Variants in TSPAN5 observed in about 807,000 individuals in gnomAD.
TSPAN5 encodes tetraspanin 5.
TSPAN5 carries 10 observed loss-of-function variants against 37.1 expected under a neutral mutation model. The observed-to-expected ratio is 0.27, with a 90% CI of 0.17 to 0.46. The LOEUF (loss-of-function observed/expected upper bound fraction) is 0.46, where lower values mean the gene tolerates loss of function less well. Among genes scored for constraint, TSPAN5 ranks in the 20% least tolerant of loss-of-function variants. The pLI, the probability that TSPAN5 is intolerant of heterozygous loss-of-function variation, is 1.00. For synonymous variants in TSPAN5, 110 were observed against 118.9 expected, an observed-to-expected ratio of 0.93 and a Z score of 0.48; for missense variants, 195 against 326.6, an observed-to-expected ratio of 0.60 and a Z score of 3.11.
intron 1 of TSPAN5, among the ~76,000 whole-genome samples, chr4:98,651,771 C>T (rs1020595703): frequency 2.7e-5 from 4 of 150,938 alleles, no homozygotes; most frequent in African/African-American, 9.7e-5. Context: ...AAGGTAGGCA[C>T]GATACAATGG....
In TSPAN5 at chr4:98,626,129, G is replaced by A. The variant is rs146933007; in HGVS notation, c.81+32017C>T. ...ACAACACAGGTGAGATCTAATGAAT[G>A]CTGGTTTCCCAGTGAAGAAATCTGC... On this transcript the variant is annotated intron_variant, in intron 1 of 7. Transcript: ENST00000305798. Among the ~76,000 whole-genome samples, 59 of 152,242 alleles carry A rather than the reference G, an allele frequency of 3.9e-4. No homozygotes were observed. The East Asian group carries it at 0.011, about 29-fold the overall frequency.
At chr4:98,522,188 G>A (rs530803401) in intron 1 of TSPAN5, among the ~76,000 whole-genome samples, 1 of 152,244 alleles carries the variant, frequency 6.6e-6, no homozygotes, top group African/African-American at 2.4e-5. Context: ...CCCACATTAG[G>A]CAAATCCACT....
intron 1 of TSPAN5, among the ~76,000 whole-genome samples, chr4:98,632,690 T>C (rs1436288178): frequency 6.6e-6 from 1 of 152,146 alleles, no homozygotes; most frequent in Non-Finnish European, 1.5e-5. Context: ...CACCCAAATA[T>C]GCAATAATGA....
chr4:98,533,568 T>TTTTTTTTTTTTTTTTTTTTTTTG, intron 1 of TSPAN5, among the ~76,000 whole-genome samples: 1 of 136,270 alleles, frequency 7.3e-6, no homozygotes, highest in Admixed American at 7.5e-5. Flanking sequence ...TTTTTTTTCT[T>TTTTTTTTTTTTTTTTTTTTTTTG]GAGACAGAGT....
chr4:98,564,566 A>G (rs537594112), intron 1 of TSPAN5, among the ~76,000 whole-genome samples: 1 of 122,688 alleles, frequency 8.2e-6, no homozygotes, highest in East Asian at 2.3e-4. Flanking sequence ...CACCTAACCT[A>G]AGTAGCCATT....
At chr4:98,556,318 G>A (rs566619472) in intron 1 of TSPAN5, among the ~76,000 whole-genome samples, 116 of 152,280 alleles carry the variant, frequency 7.6e-4, no homozygotes, top group Non-Finnish European at 1.1e-3. Context: ...ATTCACCCAC[G>A]TGGTGGGTTT....
intron 1 of TSPAN5, among the ~76,000 whole-genome samples, chr4:98,632,623 C>A (rs979692801): frequency 2.0e-5 from 3 of 152,184 alleles, no homozygotes; most frequent in Non-Finnish European, 2.9e-5. Context: ...ATTAAAAGGA[C>A]AGCCACTTCC....
intron 1 of TSPAN5, among the ~76,000 whole-genome samples, chr4:98,583,404 C>A (rs976357327): frequency 1.3e-5 from 2 of 152,144 alleles, no homozygotes; most frequent in African/African-American, 4.8e-5. Context: ...AATCCCCTCC[C>A]TCCTCCCACC....
At chr4:98,632,935 G>C (rs1194057712) in intron 1 of TSPAN5, among the ~76,000 whole-genome samples, 1 of 152,166 alleles carries the variant, frequency 6.6e-6, no homozygotes, top group Non-Finnish European at 1.5e-5. Flanking sequence ...GAGGTGTCGT[G>C]ATCAGACAGA....
rs182562706 is a variant in TSPAN5 at position 98,647,903 on chromosome 4, A to G, written c.81+10243T>C. Among the ~76,000 whole-genome samples the G allele has an allele frequency of 2.4e-3, 364 of 152,232 alleles. 1 individual carries two copies. Among genetic ancestry groups the G allele is most frequent in the Non-Finnish European group, 3.8e-3 (257 of 68,010 alleles). On this transcript the variant is annotated intron_variant, in intron 1 of 7. Transcript: ENST00000305798. ...AAGGAGTGGTGTTAGACCCAGTAAA[A>G]CAGCTCAGAGAAATAATACAGAGTT...
intron 1 of TSPAN5, among the ~76,000 whole-genome samples, chr4:98,561,338 T>C (rs1754879002): frequency 6.6e-6 from 1 of 152,166 alleles, no homozygotes; most frequent in Non-Finnish European, 1.5e-5. Context: ...TCACCTGAGG[T>C]CGGGAGTTCA....
chr4:98,547,273 A>G (rs1287549705), intron 1 of TSPAN5, among the ~76,000 whole-genome samples: 1 of 152,172 alleles, frequency 6.6e-6, no homozygotes, highest in Non-Finnish European at 1.5e-5. Context: ...GTTGTCATAA[A>G]TTGCTTATGA....
At chr4:98,558,876 C>G (rs1754814244) in intron 1 of TSPAN5, among the ~76,000 whole-genome samples, 1 of 152,110 alleles carries the variant, frequency 6.6e-6, no homozygotes, top group Admixed American at 6.5e-5. Context: ...AATTCCTTTT[C>G]TTTAGCAGCA....
chr4:98,551,722 G>A (rs576720934), intron 1 of TSPAN5, among the ~76,000 whole-genome samples: 6 of 148,830 alleles, frequency 4.0e-5, no homozygotes, highest in Non-Finnish European at 5.9e-5. Context: ...GGATAGTCTC[G>A]ATCTCCTGAC....
chr4:98,515,101 G>A (rs1467548316), intron 1 of TSPAN5, among the ~76,000 whole-genome samples: 1 of 152,174 alleles, frequency 6.6e-6, no homozygotes, highest in Non-Finnish European at 1.5e-5. Flanking sequence ...CAGCATTCCA[G>A]GGAAAGTCTG....
At chr4:98,598,782 T>A (rs150779734) in intron 1 of TSPAN5, among the ~76,000 whole-genome samples, 375 of 152,286 alleles carry the variant, frequency 2.5e-3, no homozygotes, top group African/African-American at 8.5e-3. Flanking sequence ...CTAAATTTTT[T>A]ATGTGCCTTA....
intron 1 of TSPAN5, among the ~76,000 whole-genome samples, chr4:98,516,963 C>T (rs1360971878): frequency 6.6e-6 from 1 of 152,196 alleles, no homozygotes; most frequent in African/African-American, 2.4e-5. Context: ...TCCCAGCCTG[C>T]AGAACCATGA....
In TSPAN5 at chr4:98,550,108, C is replaced by G. The variant is rs1011138286; in HGVS notation, c.82-42380G>C. On this transcript the variant is annotated intron_variant, in intron 1 of 7. Transcript: ENST00000305798. ...TTCAGTTTCATTCTTCTACAACATA[C>G]ATCCAATTTTCCCAGCACCATTTAT... Among the ~76,000 whole-genome samples, 6 of 152,224 alleles carry G rather than the reference C, an allele frequency of 3.9e-5. No homozygotes were observed. The Middle Eastern group carries it at 0.01, about 259-fold the overall frequency.
At chr4:98,647,594 T>C (rs1757096844) in intron 1 of TSPAN5, among the ~76,000 whole-genome samples, 1 of 152,144 alleles carries the variant, frequency 6.6e-6, no homozygotes, top group Non-Finnish European at 1.5e-5. Context: ...CTTATCAAAA[T>C]AGTAAATAGT....
Sources: allele counts gnomAD v4.1 joint callset (sites outside exome capture counted in the v4.1 genomes callset), GRCh38; gene constraint gnomAD v4.1.1; transcripts MANE v1.5; gene names NCBI Gene and HGNC (gene_info 2026-07-23, HGNC 2026-07-21).